Variants in GGNBP2 observed in about 807,000 individuals in gnomAD.
GGNBP2 encodes gametogenetin binding protein 2, also known as gametogenetin-binding protein 2.
Under a neutral mutation model 85.9 loss-of-function variants are expected in GGNBP2, and 10 were observed. That is an observed-to-expected ratio of 0.12 (90% CI 0.07 to 0.20). GGNBP2 has a LOEUF of 0.20. GGNBP2 is among the 10% of genes least tolerant of loss of function. The pLI is 1.00. For missense variants in GGNBP2, 595 were observed against 857.8 expected, an observed-to-expected ratio of 0.69 and a Z score of 3.83; for synonymous variants, 287 against 285.7, an observed-to-expected ratio of 1.00 and a Z score of -0.05.
chr17:36,578,757 T>C (rs116715656), intron 7 of GGNBP2: 551 of 154,834 alleles, frequency 3.6e-3, no homozygotes, highest in African/African-American at 0.012. Flanking sequence ...GTGCCTACTT[T>C]CTGCTAGAAT....
intron 4 of GGNBP2, 148 bp from the exon 5 acceptor site, chr17:36,560,625 C>G (rs1365007438): frequency 2.0e-6 from 1 of 497,224 alleles, no homozygotes; most frequent in East Asian, 3.5e-5. Flanking sequence ...ACGTGAGTGC[C>G]AGGCACACTG....
intron 9 of GGNBP2, among the ~76,000 whole-genome samples, 164 bp from the exon 10 acceptor site, chr17:36,585,136 C>A (rs571901010): frequency 6.6e-6 from 1 of 152,164 alleles, no homozygotes; most frequent in Non-Finnish European, 1.5e-5. Flanking sequence ...GTGCTAAGGA[C>A]TAATATCTTT....
In GGNBP2 at chr17:36,585,512, T is replaced by C. The variant is rs1428920757; in HGVS notation, c.1366+62T>C. ...CTCTATTCTTTCTTACTGTTAAATGTAAGAGCTTTTAGAGATTCTGTGAGC... is the reference window on the plus strand; with the variant it reads ...CTCTATTCTTTCTTACTGTTAAATGCAAGAGCTTTTAGAGATTCTGTGAGC... On this transcript the variant is annotated intron_variant, in intron 10 of 13. Transcript: ENST00000613102. 6 of 1,172,204 alleles carry C rather than the reference T, an allele frequency of 5.1e-6. No homozygotes were observed. In the Admixed American group the frequency reaches 1.4e-4, roughly 28 times the overall value. 72.6% of individuals were successfully genotyped at this position (1,172,204 alleles called of 1,614,324 possible). A position where few individuals can be genotyped will look rare whatever the true frequency, so the allele number is the denominator to read the frequency against.
intron 6 of GGNBP2, among the ~76,000 whole-genome samples, chr17:36,571,563 C>A (rs1200716089): frequency 6.6e-6 from 1 of 151,184 alleles, no homozygotes; most frequent in East Asian, 2.0e-4. Flanking sequence ...AAAAACAGGC[C>A]GGGTGCCATG....
rs753146266 is a variant in GGNBP2 at position 36,560,837 on chromosome 17, C to T, written c.493C>T (p.His165Tyr). The change falls in exon 5 of 14, where the codon CAC becomes TAC. Residue 165 changes from histidine (H) to tyrosine (Y), a missense_variant. Physicochemically the swap from His to Tyr is moderately conservative, Grantham distance 83. This residue lies in a region of GGNBP2 where 216 missense variants were observed against 293.4 expected (regional missense o/e 0.74). Coordinates refer to ENST00000613102, the MANE Select transcript of GGNBP2 (RefSeq NM_024835.5). ...KSKKNKRCQL[H>Y]SLDTHKPKPL... ...TAAGAAGAATAAGAGATGTCAGTTG[C>T]ACTCCTTAGATACGCACAAGCCAAA... 6.2e-7 allele frequency: 1 copy of T among 1,603,676 alleles called. No homozygotes were observed.
intron 6 of GGNBP2, chr17:36,576,629 G>GTGTGTGTGTGTGTGTGTGTGTGTGTGTA (rs1203227585): frequency 1.8e-5 from 2 of 111,080 alleles, no homozygotes; most frequent in African/African-American, 8.0e-5. Context: ...GTGTGTGTGT[G>GTGTGTGTGTGTGTGTGTGTGTGTGTGTA]TATATGTATA....
At chr17:36,581,156 G>A (rs190148243) in intron 8 of GGNBP2, among the ~76,000 whole-genome samples, 188 bp from the exon 9 acceptor site, 639 of 151,592 alleles carry the variant, frequency 4.2e-3, no homozygotes, top group Middle Eastern at 0.01. Flanking sequence ...GTGGTGGCGG[G>A]CACCTGTAGT....
At chr17:36,575,648 A>ATATTTTTTTTTT (rs374366757) in intron 6 of GGNBP2, among the ~76,000 whole-genome samples, 1 of 54,914 alleles carries the variant, frequency 1.8e-5, no homozygotes, top group African/African-American at 1.1e-4. Flanking sequence ...ATATATATAT[A>ATATTTTTTTTTT]TTTTTTTTTT....
chr17:36,566,380 C>T (rs1555605825), intron 5 of GGNBP2, among the ~76,000 whole-genome samples: 2 of 152,140 alleles, frequency 1.3e-5, no homozygotes, highest in African/African-American at 2.4e-5. Flanking sequence ...TTGTATAGGG[C>T]TGGGCTTGGT....
rs563066086 is a variant in GGNBP2, at chr17:36,580,694, C to T, written c.1021-650C>T. Among the ~76,000 whole-genome samples, 10 of 148,654 alleles carry T rather than the reference C, an allele frequency of 6.7e-5. No individual in the cohort carries two copies. The East Asian group carries it at 2.1e-3, about 31-fold the overall frequency. ...CAGCACTTTGGGAGGCCAAGGTGGG[C>T]GGATCACTTGAGGCCAGGAGTTCGA... On this transcript the variant is annotated intron_variant, in intron 8 of 13. Coordinates refer to ENST00000613102, the MANE Select transcript of GGNBP2 (RefSeq NM_024835.5).
intron 2 of GGNBP2, among the ~76,000 whole-genome samples, chr17:36,554,614 C>T (rs576036889): frequency 1.3e-5 from 2 of 151,234 alleles, no homozygotes; most frequent in South Asian, 4.2e-4. Context: ...TGATCCGCCG[C>T]CCCCCACCCC....
At position 36,584,997 on chromosome 17, in the gene GGNBP2, T is replaced by C. The variant is rs750479205; in HGVS notation, c.1216-303T>C. Among the ~76,000 whole-genome samples, 142 of 152,148 alleles carry C rather than the reference T, an allele frequency of 9.3e-4. No homozygotes were observed. In the Middle Eastern group the frequency reaches 0.01, roughly 11 times the overall value. ...AAAGTATATGTATTTGTGGTTGATA[T>C]CTGATACAATTAATATTTTTACAGC... On this transcript the variant is annotated intron_variant, in intron 9 of 13. Transcript: ENST00000613102.
In GGNBP2 at chr17:36,554,802, TTC is replaced by T. The variant is rs754298440; in HGVS notation, c.94-16_94-15del. On this transcript the variant is annotated splice_polypyrimidine_tract_variant and intron_variant, in intron 2 of 13. Transcript: ENST00000613102. ...AGAGGGGTAAAGTAATTGATTTCCG[TTC>T]TGTTTGCATTTTAAGATGGTGATGG... 25 of 1,504,284 alleles carry T rather than the reference TTC, an allele frequency of 1.7e-5. No individual in the cohort carries two copies. The highest frequency in any genetic ancestry group is 2.3e-5 in the Non-Finnish European group (25 of 1,079,966). The allele number at this position is 1,504,284 out of a possible 1,614,324, so 93.2% of individuals were successfully genotyped here.
chr17:36,556,539 A>G (rs995377517), intron 3 of GGNBP2, among the ~76,000 whole-genome samples: 5 of 152,080 alleles, frequency 3.3e-5, no homozygotes, highest in Non-Finnish European at 5.9e-5. Context: ...CCCCATCTCT[A>G]CTAAAAATAC....
At chr17:36,572,822 A>G (rs558721592) in intron 6 of GGNBP2, among the ~76,000 whole-genome samples, 12 of 152,298 alleles carry the variant, frequency 7.9e-5, no homozygotes, top group African/African-American at 2.4e-4. Flanking sequence ...AACTATACGC[A>G]TTGAACAACA....
chr17:36,577,800 A>G, intron 6 of GGNBP2, 183 bp from the exon 7 acceptor site: 1 of 614,106 alleles, frequency 1.6e-6, no homozygotes, highest in Non-Finnish European at 2.9e-6. Flanking sequence ...ATGAAGGTCT[A>G]TCTGTATTTA....
intron 6 of GGNBP2, among the ~76,000 whole-genome samples, chr17:36,569,666 T>A (rs923995165): frequency 6.6e-6 from 1 of 152,238 alleles, no homozygotes; most frequent in Non-Finnish European, 1.5e-5. Context: ...TTAAAAACTT[T>A]CTTTCTTTGC....
intron 6 of GGNBP2, among the ~76,000 whole-genome samples, chr17:36,576,451 G>C (rs1344794667): frequency 1.7e-5 from 2 of 119,510 alleles, no homozygotes; most frequent in Non-Finnish European, 3.3e-5. Flanking sequence ...CGACTCGGGA[G>C]ACTGAGGCAG....
intron 6 of GGNBP2, among the ~76,000 whole-genome samples, chr17:36,569,130 G>A (rs1385838317): frequency 6.6e-6 from 1 of 152,118 alleles, no homozygotes; most frequent in African/African-American, 2.4e-5. Context: ...GAAACTGGTG[G>A]GCAGGGTGCG....
Sources: allele counts gnomAD v4.1 joint callset (sites outside exome capture counted in the v4.1 genomes callset), GRCh38; gene constraint gnomAD v4.1.1; regional missense constraint gnomAD v4.1.1; transcripts MANE v1.5; gene names NCBI Gene and HGNC (gene_info 2026-07-23, HGNC 2026-07-21).